The following CRYBG3 variants were observed in gnomAD, a reference collection of about 807,000 sequenced individuals.
CRYBG3 encodes crystallin beta-gamma domain containing 3, also known as very large A-kinase anchor protein.
Under a neutral mutation model 244.2 loss-of-function variants are expected in CRYBG3, and 127 were observed. That is an observed-to-expected ratio of 0.52 (90% CI 0.45 to 0.60). CRYBG3 has a LOEUF of 0.60. Ranked by LOEUF, CRYBG3 falls within the 20% of genes least tolerant of loss-of-function variation. The pLI is 0.00. For missense variants in CRYBG3, 3,325 were observed against 3,442.5 expected (o/e 0.97, Z 0.85); for synonymous variants, 1,132 against 1,195.8 (o/e 0.95, Z 1.10).
intron 19 of CRYBG3, among the ~76,000 whole-genome samples, chr3:97,940,538 T>TATC (rs2107109583): frequency 6.6e-6 from 1 of 152,184 alleles, no homozygotes; most frequent in South Asian, 2.1e-4. Context: ...TTTTTGTATG[T>TATC]ATCTTAAAAC....
Position 97,877,059 on chromosome 3 carries a change from G to A in CRYBG3, c.5865G>A (p.Gly1955=). The A allele has an allele frequency of 6.2e-7, 1 of 1,600,128 alleles. No homozygotes were observed. Among genetic ancestry groups the A allele is most frequent in the East Asian group, 2.2e-5 (1 of 44,684 alleles). Residue 1955 remains glycine, a synonymous_variant, in exon 4 of 22, where the codon GGG becomes GGA. Coordinates refer to ENST00000389622, the MANE Select transcript of CRYBG3 (RefSeq NM_153605.4). Reference sequence around the variant, plus strand: ...CAGCAATGCCAGATTTTCAACCTGGGGATACCACAGTAAGACTAGACAAAA... The same window carrying A: ...CAGCAATGCCAGATTTTCAACCTGGAGATACCACAGTAAGACTAGACAAAA... ...PAPAMPDFQP[G]DTTVRLDKRM...
chr3:97,913,382 T>C (rs1042953153), intron 16 of CRYBG3, among the ~76,000 whole-genome samples: 3 of 152,134 alleles, frequency 2.0e-5, no homozygotes, highest in African/African-American at 7.2e-5. Flanking sequence ...AATCAGATAG[T>C]GAATATTTTT....
rs543058406 is a variant in CRYBG3, at chr3:97,925,804, G to C, written c.8242-7890G>C. 6.6e-5 allele frequency among the ~76,000 whole-genome samples: 10 copies of C among 151,930 alleles called. No homozygotes were observed. In the East Asian group the frequency reaches 1.9e-3, roughly 29 times the overall value. On this transcript the variant is annotated intron_variant, in intron 17 of 21. Coordinates refer to ENST00000389622, the MANE Select transcript of CRYBG3 (RefSeq NM_153605.4). ...TAAAATGTAATACTTCTGGGTTTTA[G>C]GTATATGGTCATCTATGTTATTCTT...
At chr3:97,855,009 C>CATTGAGGTACATTCCTTAT (rs1266105730) in intron 2 of CRYBG3, among the ~76,000 whole-genome samples, 1 of 151,980 alleles carries the variant, frequency 6.6e-6, no homozygotes, top group African/African-American at 2.4e-5. Context: ...GCCTTTATTT[C>CATTGAGGTACATTCCTTAT]ATTGAGGTAC....
chr3:97,882,595 T>TCCACATG (rs1193196123), intron 7 of CRYBG3, among the ~76,000 whole-genome samples: 1 of 152,164 alleles, frequency 6.6e-6, no homozygotes, highest in East Asian at 1.9e-4. Context: ...CATGTATTCT[T>TCCACATG]AAGATTTCCT....
intron 17 of CRYBG3, chr3:97,933,191 C>T (rs1202374259): frequency 2.3e-6 from 1 of 429,234 alleles, no homozygotes; most frequent in Non-Finnish European, 4.6e-6. Flanking sequence ...GAAATCACCA[C>T]CATTCTTGTG....
chr3:97,823,480 CT>C (rs1254550962), intron 1 of CRYBG3, among the ~76,000 whole-genome samples: 1 of 152,224 alleles, frequency 6.6e-6, no homozygotes, highest in African/African-American at 2.4e-5. Flanking sequence ...TTATGACCGT[CT>C]GTTAATAACA....
At chr3:97,923,582 A>T (rs979160695) in intron 17 of CRYBG3, among the ~76,000 whole-genome samples, 1 of 151,976 alleles carries the variant, frequency 6.6e-6, no homozygotes, top group Non-Finnish European at 1.5e-5. Flanking sequence ...ATAAAAAAAA[A>T]TCTAAAAAAT....
chr3:97,864,112 C>T, intron 2 of CRYBG3, 105 bp from the exon 3 acceptor site: 2 of 909,852 alleles, frequency 2.2e-6, no homozygotes, highest in Non-Finnish European at 3.2e-6. Context: ...GTCTTATTCA[C>T]AAATGTATCC....
Position 97,933,797 on chromosome 3 carries a change from A to G in CRYBG3, c.8345A>G (p.His2782Arg). 6.2e-7 allele frequency: 1 copy of G among 1,612,948 alleles called. No homozygotes were observed. The highest frequency in any genetic ancestry group is 8.5e-7 in the Non-Finnish European group (1 of 1,179,246). ...AVNSVLNKDL[H>R]FYTQSVWVKS... is the part of the protein sequence containing the mutation. ...AACTCTGTTCTGAACAAGGACCTAC[A>G]CTTCTACACCCAGTCTGTGTGGGTA... The change falls in exon 18 of 22, where the codon CAC becomes CGC. Residue 2782 changes from histidine to arginine, a missense_variant. Around this residue, in one of 4 missense-constraint regions of CRYBG3, gnomAD observed 714 missense variants for 803.6 expected, o/e 0.89. Coordinates refer to ENST00000389622, the MANE Select transcript of CRYBG3 (RefSeq NM_153605.4).
intron 12 of CRYBG3, among the ~76,000 whole-genome samples, chr3:97,898,620 T>C (rs1575948761): frequency 6.6e-6 from 1 of 152,212 alleles, no homozygotes; most frequent in Non-Finnish European, 1.5e-5. Flanking sequence ...TGATAGCCTA[T>C]AAGTCTCAGC....
chr3:97,914,125 A>G (rs928894625), intron 16 of CRYBG3, among the ~76,000 whole-genome samples: 1 of 152,088 alleles, frequency 6.6e-6, no homozygotes, highest in African/African-American at 2.4e-5. Context: ...CCTATTTCCT[A>G]TAGCTGTTCT....
chr3:97,864,669 A>G, intron 3 of CRYBG3, 22 bp downstream of exon 3: 2 of 1,487,278 alleles, frequency 1.3e-6, no homozygotes, highest in Non-Finnish European at 1.8e-6. Flanking sequence ...ATTTCATTGA[A>G]CCAAAAAAAA....
intron 9 of CRYBG3, 78 bp downstream of exon 9, chr3:97,888,533 A>C: frequency 3.3e-6 from 3 of 910,090 alleles, no homozygotes; most frequent in East Asian, 2.5e-5. Context: ...ATGTTTGCTC[A>C]TGCATCTCAA....
intron 1 of CRYBG3, among the ~76,000 whole-genome samples, chr3:97,832,227 CAAAAAAAA>C (rs34688264): frequency 6.1e-5 from 5 of 81,792 alleles, no homozygotes; most frequent in African/African-American, 2.0e-4. Flanking sequence ...CATGTGGAAC[CAAAAAAAA>C]AAAAAAAAAG....
rs1489971194 is a variant in CRYBG3 at position 97,880,101 on chromosome 3, G to A, written c.7004+1G>A. ...TTCTAATAAAAGTTGTAAGGGGCTG[G>A]TAAGAAGTTTCTTAAAATTTTATAG... On this transcript the variant is annotated splice_donor_variant, in intron 6 of 21. Coordinates refer to ENST00000389622, the MANE Select transcript of CRYBG3 (RefSeq NM_153605.4). LOFTEE classifies it high-confidence loss of function. The A allele has an allele frequency of 1.4e-6, 2 of 1,478,100 alleles. No individual in the cohort carries two copies. The highest frequency in any genetic ancestry group is 1.9e-6 in the Non-Finnish European group (2 of 1,076,832). 91.6% of individuals were successfully genotyped at this position (1,478,100 alleles called of 1,614,324 possible). A position where few individuals can be genotyped will look rare whatever the true frequency, so the allele number is the denominator to read the frequency against.
chr3:97,839,931 C>T (rs72916315), intron 1 of CRYBG3, among the ~76,000 whole-genome samples: 3,145 of 151,986 alleles, frequency 0.021, 113 homozygotes, highest in African/African-American at 0.071. Context: ...TATTTGAGTG[C>T]GTTCGTGGTG....
chr3:97,910,035 G>A (rs1284417005), intron 15 of CRYBG3, among the ~76,000 whole-genome samples: 1 of 151,742 alleles, frequency 6.6e-6, no homozygotes, highest in Non-Finnish European at 1.5e-5. Context: ...CCCCTGCCTG[G>A]GGGTGCCTCC....
chr3:97,837,242 C>G (rs2038747386), intron 1 of CRYBG3, among the ~76,000 whole-genome samples: 1 of 152,016 alleles, frequency 6.6e-6, no homozygotes, highest in African/African-American at 2.4e-5. Flanking sequence ...ATTATTTGAT[C>G]ACATTTTAAG....
Sources: allele counts gnomAD v4.1 joint callset (sites outside exome capture counted in the v4.1 genomes callset), GRCh38; gene constraint gnomAD v4.1.1; regional missense constraint gnomAD v4.1.1; transcripts MANE v1.5; gene names NCBI Gene and HGNC (gene_info 2026-07-23, HGNC 2026-07-21).